The following SCAPER variants were observed in gnomAD, a reference collection of about 807,000 sequenced individuals.
SCAPER encodes S phase cyclin A-associated protein in the endoplasmic reticulum.
Under a neutral mutation model 182.2 loss-of-function variants are expected in SCAPER, and 98 were observed. That is an observed-to-expected ratio of 0.54 (90% CI 0.46 to 0.64). SCAPER has a LOEUF of 0.64. Among genes scored for constraint, SCAPER ranks in the 30% least tolerant of loss-of-function variants. The pLI is 0.00. For synonymous variants in SCAPER, 605 were observed against 564.6 expected (o/e 1.07, Z -1.01); for missense variants, 1,432 against 1,690.0 (o/e 0.85, Z 2.68).
intron 3 of SCAPER, among the ~76,000 whole-genome samples, chr15:76,861,215 A>T (rs1262527477): frequency 6.6e-6 from 1 of 152,208 alleles, no homozygotes; most frequent in African/African-American, 2.4e-5. Flanking sequence ...GTACTGTTTC[A>T]ACAAAAACAG....
rs184468265 is a variant in SCAPER, at chr15:76,574,394, C to T, written c.2712-110G>A. ...ACTTTCAGTATTGGATTTGAAAATG[C>T]TTCACAGAGCATCTGAGGGGAGAAA... is the stretch of plus-strand genomic sequence containing the variant. On this transcript the variant is annotated intron_variant, in intron 22 of 31. Transcript: ENST00000563290. The T allele has an allele frequency of 2.6e-4, 330 of 1,260,044 alleles. 2 individuals are homozygous for T. In the East Asian group the frequency reaches 8.0e-3, roughly 31 times the overall value. The allele number at this position is 1,260,044 out of a possible 1,614,324, so 78.1% of individuals were successfully genotyped here.
intron 21 of SCAPER, among the ~76,000 whole-genome samples, chr15:76,643,155 C>T (rs1188047315): frequency 2.6e-5 from 4 of 152,148 alleles, no homozygotes; most frequent in Admixed American, 2.0e-4. Flanking sequence ...GGGTCACCAT[C>T]AATTTCTTCC....
At chr15:76,590,153 A>C (rs1436366997) in intron 22 of SCAPER, among the ~76,000 whole-genome samples, 2 of 152,156 alleles carry the variant, frequency 1.3e-5, no homozygotes, top group Admixed American at 1.3e-4. Context: ...AAGTCTCCAC[A>C]CACACTGCTC....
At chr15:76,600,423 GTGTGTGTATACA>G (rs1422129896) in intron 22 of SCAPER, among the ~76,000 whole-genome samples, 2 of 57,000 alleles carry the variant, frequency 3.5e-5, no homozygotes, top group Non-Finnish European at 8.7e-5. Flanking sequence ...GTGTGTGTGT[GTGTGTGTATACA>G]TATACATATA....
chr15:76,416,867 T>A (rs1427512056), intron 26 of SCAPER, among the ~76,000 whole-genome samples: 1 of 152,124 alleles, frequency 6.6e-6, no homozygotes, highest in Non-Finnish European at 1.5e-5. Context: ...CAGTAGAAAT[T>A]AATTTGCAAG....
At chr15:76,533,416 C>T (rs1395426378) in intron 23 of SCAPER, among the ~76,000 whole-genome samples, 1 of 152,018 alleles carries the variant, frequency 6.6e-6, no homozygotes, top group Non-Finnish European at 1.5e-5. Context: ...GTTACAAATG[C>T]CTGTAGTATT....
At chr15:76,898,060 G>A (rs566114364) in intron 1 of SCAPER, among the ~76,000 whole-genome samples, 7 of 152,204 alleles carry the variant, frequency 4.6e-5, no homozygotes, top group African/African-American at 7.2e-5. Flanking sequence ...AAGAACCCAC[G>A]TCAGGTTAAA....
At chr15:76,804,660 T>A in intron 5 of SCAPER, 27 bp from the exon 6 acceptor site, 1 of 1,454,942 alleles carries the variant, frequency 6.9e-7, no homozygotes, top group South Asian at 1.3e-5. Flanking sequence ...AAAAAAAAAT[T>A]AAATTCCAGT....
At chr15:76,734,672 G>A (rs1431630347) in intron 15 of SCAPER, among the ~76,000 whole-genome samples, 1 of 152,020 alleles carries the variant, frequency 6.6e-6, no homozygotes, top group Admixed American at 6.6e-5. Flanking sequence ...GGTCAGGAGT[G>A]CAAGCTAGCC....
intron 22 of SCAPER, among the ~76,000 whole-genome samples, chr15:76,606,075 G>T (rs1002157620): frequency 6.6e-6 from 1 of 151,894 alleles, no homozygotes; most frequent in Admixed American, 6.6e-5. Context: ...TTTGAATGTG[G>T]TTGCCCTTGC....
chr15:76,699,574 C>T (rs1349883277), intron 20 of SCAPER, among the ~76,000 whole-genome samples: 6 of 152,154 alleles, frequency 3.9e-5, no homozygotes, highest in Admixed American at 6.5e-5. Context: ...ATACACTGCA[C>T]GTTCAGTGAA....
chr15:76,361,856 C>T (rs1008507560), intron 29 of SCAPER, among the ~76,000 whole-genome samples: 3 of 152,068 alleles, frequency 2.0e-5, no homozygotes, highest in South Asian at 2.1e-4. Flanking sequence ...GCCTTAACAT[C>T]GTAGTAGGAA....
chr15:76,397,773 G>A (rs1045812465), intron 27 of SCAPER, among the ~76,000 whole-genome samples: 2 of 152,022 alleles, frequency 1.3e-5, no homozygotes, highest in Admixed American at 6.6e-5. Context: ...CACCGCGCCC[G>A]GTCAGGAGAC....
chr15:76,645,084 T>C lies in SCAPER; in HGVS notation c.2645+20569A>G, dbSNP rs534226199. Among the ~76,000 whole-genome samples, 43 of 152,240 alleles carry C rather than the reference T, an allele frequency of 2.8e-4. No homozygotes were observed. The South Asian group carries it at 8.5e-3, about 30-fold the overall frequency. The stretch of plus-strand genomic sequence containing the variant: ...GGCATTATTCCCTAAACAATACATA[T>C]AACAACTATTTACATAGCATATGCA... On this transcript the variant is annotated intron_variant, in intron 21 of 31. Transcript: ENST00000563290.
chr15:76,561,331 T>C (rs2145148609), intron 23 of SCAPER, among the ~76,000 whole-genome samples: 1 of 152,348 alleles, frequency 6.6e-6, no homozygotes, highest in South Asian at 2.1e-4. Flanking sequence ...ATCATTTTCA[T>C]GATATTTCTT....
intron 22 of SCAPER, among the ~76,000 whole-genome samples, chr15:76,607,750 G>C (rs560573705): frequency 7.0e-6 from 1 of 142,260 alleles, no homozygotes; most frequent in Non-Finnish European, 1.6e-5. Flanking sequence ...TTCCCTTCTC[G>C]CTTCATTTCA....
At chr15:76,641,223 G>A (rs952304649) in intron 21 of SCAPER, among the ~76,000 whole-genome samples, 18 of 152,152 alleles carry the variant, frequency 1.2e-4, no homozygotes, top group Non-Finnish European at 2.4e-4. Flanking sequence ...GAAAGACTGT[G>A]TTTCTGTTTT....
At chr15:76,671,896 AG>A (rs1351901041) in intron 20 of SCAPER, among the ~76,000 whole-genome samples, 1 of 152,182 alleles carries the variant, frequency 6.6e-6, no homozygotes, top group Non-Finnish European at 1.5e-5. Context: ...ACCCTAAAAA[AG>A]GAACAGTTAC....
chr15:76,786,692 C>A (rs1479458162), intron 8 of SCAPER, among the ~76,000 whole-genome samples: 3 of 151,950 alleles, frequency 2.0e-5, no homozygotes, highest in Admixed American at 6.6e-5. Flanking sequence ...GGAAAAAAGA[C>A]ATACAGACAG....
Sources: allele counts gnomAD v4.1 joint callset (sites outside exome capture counted in the v4.1 genomes callset), GRCh38; gene constraint gnomAD v4.1.1; transcripts MANE v1.5; gene names NCBI Gene and HGNC (gene_info 2026-07-23, HGNC 2026-07-21).